Variants in THG1L observed in about 807,000 individuals in gnomAD.
THG1L encodes the protein tRNA-histidine guanylyltransferase 1 like.
Under a neutral mutation model 35.2 loss-of-function variants are expected in THG1L, and 27 were observed. The observed-to-expected ratio is 0.77, with a 90% confidence interval of 0.57 to 1.06. The LOEUF is 1.06. THG1L is among the 50% of genes least tolerant of loss of function. THG1L has a pLI of 0.00. For synonymous variants in THG1L, 135 were observed against 132.4 expected (o/e 1.02, Z -0.14); for missense variants, 377 against 371.8 (o/e 1.01, Z -0.12).
chr5:157,737,577 C>A (rs947653641), intron 4 of THG1L, among the ~76,000 whole-genome samples: 6 of 152,086 alleles, frequency 3.9e-5, no homozygotes, highest in Non-Finnish European at 5.9e-5. Context: ...AACCTTTTAA[C>A]CTTGGGGAAT....
rs965924525 is a variant in THG1L, at chr5:157,731,458, A to G, written c.18A>G (p.Lys6=). 55 of 1,601,514 alleles carry G rather than the reference A, an allele frequency of 3.4e-5. No homozygotes were observed. The highest frequency in any genetic ancestry group is 4.5e-5 in the Non-Finnish European group (53 of 1,173,208). The change falls in exon 1 of 6, where the codon AAA becomes AAG. Residue 6 remains lysine (K), a synonymous_variant. Transcript: ENST00000231198. MWGAC[K]VKVHDSLATI... ...CGTGTAGAATGTGGGGCGCCTGTAA[A>G]GTTAAGGTTCACGATTCCTTGGCCA...
chr5:157,732,670 C>A (rs9313718), intron 1 of THG1L, among the ~76,000 whole-genome samples, 198 bp from the exon 2 acceptor site: 63,089 of 151,606 alleles, frequency 0.42, 14,187 homozygotes, highest in African/African-American at 0.61. Context: ...CTTAGCATTT[C>A]TGTCTGGCTT....
At chr5:157,738,695 C>A (rs1251296859) in intron 5 of THG1L, 1 of 419,426 alleles carries the variant, frequency 2.4e-6, no homozygotes, top group South Asian at 1.8e-5. Flanking sequence ...AACATTTATT[C>A]TTTGGTACAG....
chr5:157,732,043 G>A (rs1760737235), intron 1 of THG1L, among the ~76,000 whole-genome samples: 1 of 152,058 alleles, frequency 6.6e-6, no homozygotes, highest in South Asian at 2.1e-4. Context: ...CTTAACGTCT[G>A]TGCTTCATTA....
rs925897379 is a variant in THG1L at position 157,739,684 on chromosome 5, C to A, written c.*202C>A. On this transcript the variant is annotated 3_prime_UTR_variant, in exon 6 of 6. Coordinates refer to ENST00000231198, the MANE Select transcript of THG1L (RefSeq NM_017872.5). Reference sequence around the variant, plus strand: ...CTGTTTAAGCAGAACACCTTGTTTGCGGTGTTGGAACATGGTTCCTTTGGC... The same window carrying A: ...CTGTTTAAGCAGAACACCTTGTTTGAGGTGTTGGAACATGGTTCCTTTGGC... 1.3e-5 allele frequency: 6 copies of A among 447,950 alleles called. No individual in the cohort carries two copies. The highest frequency in any genetic ancestry group is 1.0e-4 in the African/African-American group (5 of 49,392). 27.7% of individuals were successfully genotyped at this position (447,950 alleles called of 1,614,324 possible).
chr5:157,734,877 AT>A (rs1212323118), intron 3 of THG1L, 132 bp downstream of exon 3: 18 of 928,418 alleles, frequency 1.9e-5, no homozygotes, highest in Non-Finnish European at 2.7e-5. Context: ...GTATTTAAAT[AT>A]TTTTTCAATT....
chr5:157,738,589 G>GTTTT, intron 5 of THG1L: 24 of 374,374 alleles, frequency 6.4e-5, no homozygotes, highest in East Asian at 3.4e-4. Context: ...AAGTTTTTTT[G>GTTTT]TTTTTTTTTT....
Position 157,734,350 on chromosome 5 carries a change from T to G in THG1L, c.369-226T>G, listed in dbSNP as rs181677882. Reference sequence around the variant, plus strand: ...TTGCAGTGAGCCAAGATGGTGCCATTGCACTCCAGCCCAGGCAACAGAGCA... The same window carrying G: ...TTGCAGTGAGCCAAGATGGTGCCATGGCACTCCAGCCCAGGCAACAGAGCA... On this transcript the variant is annotated intron_variant, in intron 2 of 5. Coordinates refer to ENST00000231198, the MANE Select transcript of THG1L (RefSeq NM_017872.5). 7.2e-5 allele frequency among the ~76,000 whole-genome samples: 11 copies of G among 152,226 alleles called. No individual in the cohort carries two copies. The East Asian group carries it at 2.1e-3, about 29-fold the overall frequency.
At chr5:157,738,549 G>C (rs371629975) in intron 5 of THG1L, 2 of 402,148 alleles carry the variant, frequency 5.0e-6, no homozygotes, top group East Asian at 7.9e-5. Context: ...TAGGCATAAT[G>C]ATTTCTCTAA....
intron 4 of THG1L, among the ~76,000 whole-genome samples, chr5:157,736,397 A>G (rs1468667806): frequency 1.3e-5 from 2 of 152,000 alleles, no homozygotes; most frequent in Non-Finnish European, 2.9e-5. Flanking sequence ...TTACAGGTGC[A>G]TGCCACCACA....
intron 4 of THG1L, among the ~76,000 whole-genome samples, chr5:157,736,884 T>C (rs1279658778): frequency 1.3e-5 from 2 of 152,242 alleles, no homozygotes; most frequent in African/African-American, 4.8e-5. Flanking sequence ...GTTTTTGTTA[T>C]AACAGTGCTA....
At chr5:157,731,891 G>A (rs1459048003) in intron 1 of THG1L, among the ~76,000 whole-genome samples, 1 of 152,238 alleles carries the variant, frequency 6.6e-6, no homozygotes, top group Non-Finnish European at 1.5e-5. Flanking sequence ...AGTGAACAGA[G>A]ACTTGTTAGC....
intron 2 of THG1L, 66 bp downstream of exon 2, chr5:157,733,110 T>A (rs1029433573): frequency 9.0e-5 from 141 of 1,575,144 alleles, no homozygotes; most frequent in Middle Eastern, 1.7e-4. Flanking sequence ...TCTGTTTATC[T>A]TAATCGCAGA....
At chr5:157,735,968 G>T in intron 4 of THG1L, 34 bp downstream of exon 4, 1 of 1,423,008 alleles carries the variant, frequency 7.0e-7, no homozygotes, top group South Asian at 1.2e-5. Flanking sequence ...TACTTAACTG[G>T]GGACAGTTCG....
chr5:157,740,548 C>A lies in THG1L; in HGVS notation c.*1066C>A, dbSNP rs1398115787. 2 of 152,354 alleles carry A rather than the reference C, an allele frequency of 1.3e-5. No homozygotes were observed. Among genetic ancestry groups the A allele is most frequent in the Non-Finnish European group, 2.9e-5 (2 of 68,184 alleles). The allele number at this position is 152,354 out of a possible 1,614,324, so 9.4% of individuals were successfully genotyped here. On this transcript the variant is annotated 3_prime_UTR_variant, in exon 6 of 6. Coordinates refer to ENST00000231198, the MANE Select transcript of THG1L (RefSeq NM_017872.5). Reference sequence around the variant, plus strand: ...GTAGTGGGAATAGGTGGTGAGAGAACTCACATTTTTCTCTTGTCCTGGTTT... The same window carrying A: ...GTAGTGGGAATAGGTGGTGAGAGAAATCACATTTTTCTCTTGTCCTGGTTT...
In THG1L at chr5:157,740,462, G is replaced by A. The variant is rs1761005830; in HGVS notation, c.*980G>A. 6.6e-6 allele frequency: 1 copy of A among 152,318 alleles called. No individual in the cohort carries two copies. Among genetic ancestry groups the A allele is most frequent in the Non-Finnish European group, 1.5e-5 (1 of 68,116 alleles). The allele number at this position is 152,318 out of a possible 1,614,324, so 9.4% of individuals were successfully genotyped here. On this transcript the variant is annotated 3_prime_UTR_variant, in exon 6 of 6. Transcript: ENST00000231198. Reference sequence around the variant, plus strand: ...TGTTGGGTCAGTGGAGATGGGTGAGGAACAGCACAGAGCAGCAGGGATCAT... The same window carrying A: ...TGTTGGGTCAGTGGAGATGGGTGAGAAACAGCACAGAGCAGCAGGGATCAT...
chr5:157,738,816 A>G, intron 5 of THG1L: 2 of 235,938 alleles, frequency 8.5e-6, no homozygotes, highest in South Asian at 9.0e-5. Context: ...GCTTCAGAAT[A>G]GTATAACCTT....
At chr5:157,734,486 T>C in intron 2 of THG1L, 90 bp from the exon 3 acceptor site, 1 of 1,493,630 alleles carries the variant, frequency 6.7e-7, no homozygotes, top group Non-Finnish European at 9.2e-7. Flanking sequence ...GTGTACTCTC[T>C]GTGGTACCCA....
rs767118726 is a variant in THG1L at position 157,739,601 on chromosome 5, A to G, written c.*119A>G. The G allele has an allele frequency of 1.3e-4, 160 of 1,223,226 alleles. 1 individual carries two copies. The highest frequency in any genetic ancestry group is 1.8e-4 in the Admixed American group (7 of 38,532). The allele number at this position is 1,223,226 out of a possible 1,614,324, so 75.8% of individuals were successfully genotyped here. On this transcript the variant is annotated 3_prime_UTR_variant, in exon 6 of 6. Coordinates refer to ENST00000231198, the MANE Select transcript of THG1L (RefSeq NM_017872.5). ...CCAGGACACTGGTGCGAATGACACAACTCAAGTTGGGAGGGGAACAGGGAA... is the reference window on the plus strand; with the variant it reads ...CCAGGACACTGGTGCGAATGACACAGCTCAAGTTGGGAGGGGAACAGGGAA...
Sources: gnomAD v4.1 joint callset for allele counts (sites outside exome capture counted in the v4.1 genomes callset) on GRCh38, gnomAD v4.1.1 for gene constraint, MANE v1.5 for transcripts, NCBI Gene and HGNC (gene_info 2026-07-23, HGNC 2026-07-21) for gene names.